BRCA1: variants seen among roughly 807,000 people sequenced by gnomAD.
BRCA1 encodes BRCA1 DNA repair associated, also known as breast cancer type 1 susceptibility protein.
A neutral mutation model predicts 173.7 loss-of-function variants in BRCA1; 140 were observed. The observed-to-expected ratio is 0.81, with a 90% CI of 0.70 to 0.93. The LOEUF is 0.93. Among genes scored for constraint, BRCA1 ranks in the 40% least tolerant of loss-of-function variants. BRCA1 has a pLI of 0.00. For missense variants in BRCA1, 1,983 were observed against 2,172.5 expected, an observed-to-expected ratio of 0.91 and a Z score of 1.73; for synonymous variants, 662 against 756.0, an observed-to-expected ratio of 0.88 and a Z score of 2.04.
intron 11 of BRCA1, 88 bp downstream of exon 11, chr17:43,090,856 G>T (rs2053423624): frequency 8.1e-7 from 1 of 1,239,378 alleles, no homozygotes; most frequent in Non-Finnish European, 1.1e-6. Flanking sequence ...AAGAGATGAT[G>T]TCAGCAAACC....
At chr17:43,070,889 A>G in intron 15 of BRCA1, 39 bp downstream of exon 15, 1 of 1,607,500 alleles carries the variant, frequency 6.2e-7, no homozygotes, top group Non-Finnish European at 8.5e-7. Context: ...AATGTTGTTA[A>G]GTCTTAGTCA....
chr17:43,091,060 T>C lies in BRCA1; in HGVS notation c.4097-28A>G, dbSNP rs869320777. The C allele has an allele frequency of 4.9e-5, 78 of 1,595,680 alleles. No individual in the cohort carries two copies. The highest frequency in any genetic ancestry group is 6.2e-5 in the Non-Finnish European group (72 of 1,167,748). The stretch of plus-strand genomic sequence containing the variant: ...TAAATAACAAAAACAGAGGTTCAGA[T>C]GTAAAAGCAGACTATAAACGCTGCA... On this transcript the variant is annotated intron_variant, in intron 10 of 22. Transcript: ENST00000357654.
At position 43,079,745 on chromosome 17, in the gene BRCA1, C is replaced by G. The variant is rs967910540; in HGVS notation, c.4357+2659G>C. ...GAGAACCAATGGGAAGGAGCCTGAG[C>G]AGCTGGAACCTATTCCCTATGAATT... On this transcript the variant is annotated intron_variant, in intron 12 of 22. Transcript: ENST00000357654. 19 of 1,385,784 alleles carry G rather than the reference C, an allele frequency of 1.4e-5. No individual in the cohort carries two copies. The South Asian group carries it at 1.5e-4, about 11-fold the overall frequency. 85.8% of individuals were successfully genotyped at this position (1,385,784 alleles called of 1,614,324 possible). A position where few individuals can be genotyped will look rare whatever the true frequency, so the allele number is the denominator to read the frequency against.
rs1228805098 is a variant in BRCA1 at position 43,100,657 on chromosome 17, CATATATATATATATATATATAATAT to C, written c.442-802_442-778del. Among the ~76,000 whole-genome samples, 31 of 16,118 alleles carry C rather than the reference CATATATATATATATATATATAATAT, an allele frequency of 1.9e-3. 2 individuals are homozygous for C. The highest frequency in any genetic ancestry group is 1.0e-3 in the Non-Finnish European group (12 of 11,468). The allele number at this position is 16,118 out of a possible 152,430, so 10.6% of individuals were successfully genotyped here. On this transcript the variant is annotated intron_variant, in intron 6 of 22. Coordinates refer to ENST00000357654, the MANE Select transcript of BRCA1 (RefSeq NM_007294.4). ...TTATATATATATAACATATATATAACATATATATATATATATATATAATATATATATATATATATATATATGTAAT... is the reference window on the plus strand; with the variant it reads ...TTATATATATATAACATATATATAACATATATATATATATATATATGTAAT...
At chr17:43,072,411 T>G (rs981571983) in intron 14 of BRCA1, among the ~76,000 whole-genome samples, 1 of 149,884 alleles carries the variant, frequency 6.7e-6, no homozygotes, top group Non-Finnish European at 1.5e-5. Context: ...CGGGTAATAT[T>G]TTTTTTTTTG....
At chr17:43,154,081 G>C (rs1838103688) in intron 1 of BRCA1, among the ~76,000 whole-genome samples, 1 of 151,998 alleles carries the variant, frequency 6.6e-6, no homozygotes, top group African/African-American at 2.4e-5. Context: ...CAGCTACTTG[G>C]AGGCTAAGGC....
intron 12 of BRCA1, among the ~76,000 whole-genome samples, chr17:43,081,814 G>A (rs985462686): frequency 7.9e-5 from 12 of 152,118 alleles, no homozygotes; most frequent in African/African-American, 2.4e-4. Flanking sequence ...TCCTCTCAGA[G>A]GTCCATCTGG....
At chr17:43,066,053 T>C (rs1161641763) in intron 16 of BRCA1, among the ~76,000 whole-genome samples, 1 of 152,196 alleles carries the variant, frequency 6.6e-6, no homozygotes, top group Non-Finnish European at 1.5e-5. Context: ...TTTCAGGCAA[T>C]CACTCCATTG....
chr17:43,138,625 T>C, intron 1 of BRCA1: 1 of 765,378 alleles, frequency 1.3e-6, no homozygotes, highest in Non-Finnish European at 2.4e-6. Context: ...TGGTGGCTGC[T>C]CATGACATTC....
At chr17:43,075,607 G>A (rs935871158) in intron 13 of BRCA1, among the ~76,000 whole-genome samples, 6 of 151,684 alleles carry the variant, frequency 4.0e-5, no homozygotes, top group African/African-American at 1.5e-4. Context: ...CTGTCGCCCA[G>A]GCTGGAGTGC....
chr17:43,064,322 T>C (rs920581349), intron 16 of BRCA1, among the ~76,000 whole-genome samples: 11 of 152,226 alleles, frequency 7.2e-5, no homozygotes, highest in African/African-American at 2.7e-4. Flanking sequence ...TCTATATTAC[T>C]AGATGGCAAT....
chr17:43,129,620 C>G (rs1173455260), upstream of BRCA1, among the ~76,000 whole-genome samples: 1 of 144,732 alleles, frequency 6.9e-6, no homozygotes, highest in Non-Finnish European at 1.6e-5. Context: ...ACTACAGGCA[C>G]CCGCCATCAC....
chr17:43,157,956 T>C (rs891126421), intron 1 of BRCA1, among the ~76,000 whole-genome samples: 18 of 146,178 alleles, frequency 1.2e-4, no homozygotes, highest in Non-Finnish European at 2.2e-4. Context: ...AGATGTGCCA[T>C]TGCACTCCAG....
chr17:43,124,068 TCTTCAACGC>T lies in BRCA1; in HGVS notation c.20_28del (p.Arg7_Glu10delinsGln), dbSNP rs80359887. The T allele has an allele frequency of 6.2e-7, 1 of 1,613,882 alleles. No individual in the cohort carries two copies. Among genetic ancestry groups the T allele is most frequent in the Non-Finnish European group, 8.5e-7 (1 of 1,179,800 alleles). On this transcript the variant is annotated inframe_deletion, in exon 2 of 23. Transcript: ENST00000357654. ...CATAGCATTAATGACATTTTGTACT[TCTTCAACGC>T]GAAGAGCAGATAAATCCATTTCTTT...
At chr17:43,067,406 G>A (rs570920520) in intron 16 of BRCA1, 4 of 456,850 alleles carry the variant, frequency 8.8e-6, no homozygotes, top group African/African-American at 2.0e-5. Flanking sequence ...AGGCGCACGC[G>A]ACCACACCCA....
intron 3 of BRCA1, chr17:43,110,516 G>A (rs1334524607): frequency 6.9e-6 from 3 of 437,164 alleles, no homozygotes; most frequent in Non-Finnish European, 1.4e-5. Context: ...AGCCTAGGAG[G>A]TCAAGGCAAC....
In BRCA1 at chr17:43,045,565, T is replaced by A. The variant is rs1567756113; in HGVS notation, c.*113A>T. ...AGGCTGATGTACATAAAATATTTAG[T>A]AGCCAGGACAGTAGAAGGACTGAAG... On this transcript the variant is annotated 3_prime_UTR_variant, in exon 23 of 23. Coordinates refer to ENST00000357654, the MANE Select transcript of BRCA1 (RefSeq NM_007294.4). 1 of 1,460,980 alleles carries A rather than the reference T, an allele frequency of 6.8e-7. No individual in the cohort carries two copies. The highest frequency in any genetic ancestry group is 9.5e-7 in the Non-Finnish European group (1 of 1,056,622). 90.5% of individuals were successfully genotyped at this position (1,460,980 alleles called of 1,614,324 possible).
chr17:43,071,150 A>T lies in BRCA1; in HGVS notation c.4764T>A (p.Ala1588=), dbSNP rs753651115. ...TTGAAGATGGTATGTTGCCAACACG[A>T]GCTGACTCTGGGGCTCTGTCTTCAG... ...DPSEDRAPES[A]RVGNIPSSTS... The change falls in exon 15 of 23, where the codon GCT becomes GCA. Residue 1588 remains alanine (A), a synonymous_variant. Transcript: ENST00000357654. 2 of 1,614,194 alleles carry T rather than the reference A, an allele frequency of 1.2e-6. No homozygotes were observed. Among genetic ancestry groups the T allele is most frequent in the Non-Finnish European group, 1.7e-6 (2 of 1,180,028 alleles).
intron 19 of BRCA1, among the ~76,000 whole-genome samples, chr17:43,052,288 T>C (rs1387514307): frequency 1.3e-5 from 2 of 152,020 alleles, no homozygotes; most frequent in Non-Finnish European, 2.9e-5. Context: ...ATTTTTTTCT[T>C]TTTTTTTGAA....
Sources: gnomAD v4.1 joint callset for allele counts (sites outside exome capture counted in the v4.1 genomes callset) on GRCh38, gnomAD v4.1.1 for gene constraint, MANE v1.5 for transcripts, NCBI Gene and HGNC (gene_info 2026-07-23, HGNC 2026-07-21) for gene names.